Variants in TENM4 observed in about 807,000 individuals in gnomAD.
TENM4 encodes teneurin-4.
TENM4 carries 82 observed loss-of-function variants against 243.3 expected under a neutral mutation model. The ratio of observed to expected loss-of-function variants is 0.34; its 90% CI spans 0.28 to 0.40. TENM4 has a LOEUF of 0.40. Ranked by LOEUF, TENM4 falls within the 10% of genes least tolerant of loss-of-function variation. The probability of loss-of-function intolerance (pLI) is 1.00; values close to 1 mark genes in which losing one functional copy is unlikely to be tolerated. For missense variants in TENM4, 3,138 were observed against 3,673.3 expected (o/e 0.85, Z 3.77); for synonymous variants, 1,412 against 1,456.3 (o/e 0.97, Z 0.69).
At chr11:79,390,322 T>C (rs1340635834) in intron 1 of TENM4, among the ~76,000 whole-genome samples, 1 of 152,204 alleles carries the variant, frequency 6.6e-6, no homozygotes, top group African/African-American at 2.4e-5. Context: ...GCCAGCACAG[T>C]TAATGGGAAA....
chr11:79,051,300 G>C (rs1317201894), intron 6 of TENM4, among the ~76,000 whole-genome samples: 4 of 152,166 alleles, frequency 2.6e-5, no homozygotes, highest in Non-Finnish European at 5.9e-5. Context: ...CCGAGGCATG[G>C]AGAGATGAAG....
intron 2 of TENM4, among the ~76,000 whole-genome samples, chr11:79,230,027 C>T (rs1246085535): frequency 3.4e-5 from 5 of 146,022 alleles, no homozygotes; most frequent in Non-Finnish European, 7.4e-5. Flanking sequence ...GTAGAGACTG[C>T]GTCTTGCTAT....
chr11:79,168,940 G>A (rs932963929), intron 3 of TENM4, among the ~76,000 whole-genome samples: 1 of 152,198 alleles, frequency 6.6e-6, no homozygotes, highest in Admixed American at 6.5e-5. Flanking sequence ...ACATGGCCCA[G>A]TCTACCCCCA....
intron 3 of TENM4, among the ~76,000 whole-genome samples, chr11:79,152,233 C>T (rs1292850926): frequency 1.3e-5 from 2 of 152,136 alleles, no homozygotes; most frequent in South Asian, 2.1e-4. Context: ...CCATGATCAA[C>T]CAGGAACTGA....
intron 6 of TENM4, among the ~76,000 whole-genome samples, chr11:79,054,502 CTTT>C (rs35951915): frequency 2.1e-5 from 3 of 144,094 alleles, no homozygotes; most frequent in Non-Finnish European, 1.5e-5. Context: ...CAGGTACCAT[CTTT>C]TTTTTTTTTT....
intron 6 of TENM4, among the ~76,000 whole-genome samples, chr11:78,949,089 A>G (rs58853657): frequency 6.6e-6 from 1 of 152,168 alleles, no homozygotes; most frequent in Non-Finnish European, 1.5e-5. Flanking sequence ...CACAAAGCCC[A>G]GTCTCTTTAG....
rs1390068793 is a variant in TENM4, at chr11:78,855,191, C to A, written c.1470+773G>T. ...GTCTCAAGGCTCTTCTCCTGTGATT[C>A]CTTCTTTAGCAAACATATCTGTCTT... On this transcript the variant is annotated intron_variant, in intron 11 of 33. Coordinates refer to ENST00000278550, the MANE Select transcript of TENM4 (RefSeq NM_001098816.3). 2.0e-5 allele frequency among the ~76,000 whole-genome samples: 3 copies of A among 152,152 alleles called. No homozygotes were observed. The South Asian group carries it at 6.2e-4, about 32-fold the overall frequency.
intron 20 of TENM4, among the ~76,000 whole-genome samples, chr11:78,738,060 A>T (rs558093283): frequency 6.6e-6 from 1 of 152,342 alleles, no homozygotes; most frequent in Admixed American, 6.5e-5. Context: ...GAATTCTGTC[A>T]TCACCCAAAT....
Position 78,919,390 on chromosome 11 carries a change from T to C in TENM4, c.494-15867A>G, listed in dbSNP as rs573072404. ...CCAAATGCAGGCTTGTTGATTCTTC[T>C]TCTCTGTCCTGCCCCCTCCCTCCAC... On this transcript the variant is annotated intron_variant, in intron 6 of 33. Transcript: ENST00000278550. Among the ~76,000 whole-genome samples the C allele has an allele frequency of 3.3e-5, 5 of 152,204 alleles. No individual in the cohort carries two copies. The East Asian group carries it at 7.8e-4, about 24-fold the overall frequency.
intron 3 of TENM4, among the ~76,000 whole-genome samples, chr11:79,153,694 G>T (rs1210811874): frequency 6.6e-6 from 1 of 152,162 alleles, no homozygotes; most frequent in African/African-American, 2.4e-5. Context: ...CATGTACGAG[G>T]CACAGTGCTG....
chr11:79,223,565 G>A (rs1864204603), intron 2 of TENM4, among the ~76,000 whole-genome samples: 1 of 152,044 alleles, frequency 6.6e-6, no homozygotes, highest in Non-Finnish European at 1.5e-5. Flanking sequence ...TGTCACTGGG[G>A]GAGAAGAAAT....
intron 12 of TENM4, among the ~76,000 whole-genome samples, chr11:78,840,625 C>A (rs1368324761): frequency 6.6e-6 from 1 of 152,210 alleles, no homozygotes; most frequent in Non-Finnish European, 1.5e-5. Flanking sequence ...TGTAAAGGAG[C>A]TCTTCCCCCA....
At chr11:78,940,260 A>C (rs1391116351) in intron 6 of TENM4, among the ~76,000 whole-genome samples, 1 of 152,222 alleles carries the variant, frequency 6.6e-6, no homozygotes, top group Non-Finnish European at 1.5e-5. Flanking sequence ...GATTTTAATG[A>C]CTACCTAAAA....
At chr11:79,157,999 AC>A (rs1293818306) in intron 3 of TENM4, among the ~76,000 whole-genome samples, 1 of 152,144 alleles carries the variant, frequency 6.6e-6, no homozygotes, top group East Asian at 1.9e-4. Flanking sequence ...TACACGTCCT[AC>A]CTGCAAAGCT....
chr11:79,399,511 T>C (rs1858413203), intron 1 of TENM4, among the ~76,000 whole-genome samples: 1 of 152,158 alleles, frequency 6.6e-6, no homozygotes, highest in South Asian at 2.1e-4. Context: ...GAGGAGACCC[T>C]AAAATTAGAG....
chr11:78,766,692 G>A (rs963596721), intron 18 of TENM4, among the ~76,000 whole-genome samples: 5 of 132,330 alleles, frequency 3.8e-5, no homozygotes, highest in African/African-American at 8.6e-5. Context: ...CAGTCATACT[G>A]TTCGGCTCCC....
intron 1 of TENM4, among the ~76,000 whole-genome samples, chr11:79,303,873 C>T (rs1013526681): frequency 2.0e-5 from 3 of 152,126 alleles, no homozygotes; most frequent in Non-Finnish European, 4.4e-5. Flanking sequence ...GGGCTGGTAG[C>T]GTGTTAAGAA....
rs759431347 is a variant in TENM4, at chr11:78,658,395, C to A, written c.7973G>T (p.Gly2658Val). 4 of 1,613,934 alleles carry A rather than the reference C, an allele frequency of 2.5e-6. No individual in the cohort carries two copies. Among genetic ancestry groups the A allele is most frequent in the Non-Finnish European group, 3.4e-6 (4 of 1,179,914 alleles). ...GATGTCTGTGTAGCGTCTAGTCCTGCCATTAAGTACTGTGTTGATCTGGGA... is the reference window on the plus strand; with the variant it reads ...GATGTCTGTGTAGCGTCTAGTCCTGACATTAAGTACTGTGTTGATCTGGGA... ...TVSQINTVLN[G>V]RTRRYTDIQL... Residue 2658 changes from glycine (G) to valine (V), a missense_variant, in exon 34 of 34, where the codon GGC (glycine) becomes GTC (valine). Around this residue, in one of 2 missense-constraint regions of TENM4, gnomAD observed 2,467 missense variants for 3,059.1 expected, o/e 0.81. Coordinates refer to ENST00000278550, the MANE Select transcript of TENM4 (RefSeq NM_001098816.3).
intron 4 of TENM4, among the ~76,000 whole-genome samples, chr11:79,092,101 G>A (rs896405791): frequency 2.6e-5 from 4 of 152,108 alleles, no homozygotes; most frequent in Non-Finnish European, 4.4e-5. Flanking sequence ...TCAAAATATG[G>A]TGAGCCCTGG....
Sources: gnomAD v4.1 joint callset for allele counts (sites outside exome capture counted in the v4.1 genomes callset) on GRCh38, gnomAD v4.1.1 for gene constraint, gnomAD v4.1.1 regional missense constraint, MANE v1.5 for transcripts, NCBI Gene and HGNC (gene_info 2026-07-23, HGNC 2026-07-21) for gene names.